Variants in LINGO2 observed in about 807,000 individuals in gnomAD.
The protein encoded by LINGO2 is leucine rich repeat and Ig domain containing 2.
Under a neutral mutation model 30.6 loss-of-function variants are expected in LINGO2, and 14 were observed. That is an observed-to-expected ratio of 0.46 (90% CI 0.30 to 0.72). The LOEUF (loss-of-function observed/expected upper bound fraction) is 0.72. LINGO2 is among the 30% of genes least tolerant of loss of function. The probability of loss-of-function intolerance (pLI) is 0.07; values close to 1 mark genes in which losing one functional copy is unlikely to be tolerated. For synonymous variants in LINGO2, 317 were observed against 288.5 expected (o/e 1.10, Z -1.00); for missense variants, 729 against 751.7 (o/e 0.97, Z 0.35).
intron 2 of LINGO2, among the ~76,000 whole-genome samples, chr9:28,403,158 A>C (rs1373616641): frequency 1.3e-5 from 2 of 152,176 alleles, no homozygotes; most frequent in Non-Finnish European, 2.9e-5. Context: ...CTGCTGCTCC[A>C]GATTTGCCTC....
intron 4 of LINGO2, among the ~76,000 whole-genome samples, chr9:28,258,817 T>G (rs994351453): frequency 3.3e-5 from 5 of 151,926 alleles, no homozygotes; most frequent in Non-Finnish European, 7.4e-5. Flanking sequence ...TTATACAATG[T>G]GTATAAGTCA....
At chr9:28,888,833 C>T in the LINGO2 span, 3 of 530,176 alleles carry the variant, frequency 5.7e-6, no homozygotes, top group African/African-American at 5.8e-5. Flanking sequence ...AGGTACCAGC[C>T]ATAAAATGTT....
chr9:28,655,594 C>G (rs7857678), intron 1 of LINGO2, among the ~76,000 whole-genome samples: 54,977 of 151,778 alleles, frequency 0.36, 11,161 homozygotes, highest in African/African-American at 0.53. Context: ...TTGAATTGTA[C>G]TTCCCATAAT....
the LINGO2 span, among the ~76,000 whole-genome samples, chr9:28,692,966 A>G: frequency 6.6e-6 from 1 of 152,156 alleles, no homozygotes. Flanking sequence ...AGTTTATTAT[A>G]TTAAGGTATT....
chr9:28,787,460 G>A, the LINGO2 span, among the ~76,000 whole-genome samples: 1 of 152,102 alleles, frequency 6.6e-6, no homozygotes, highest in Non-Finnish European at 1.5e-5. Flanking sequence ...GTTGCTAAAT[G>A]AAGAGAGAAT....
At chr9:28,527,824 C>A (rs1821090560) in intron 1 of LINGO2, among the ~76,000 whole-genome samples, 1 of 152,142 alleles carries the variant, frequency 6.6e-6, no homozygotes, top group African/African-American at 2.4e-5. Flanking sequence ...GTGTCTGCAC[C>A]TGACCTGGAA....
the LINGO2 span, among the ~76,000 whole-genome samples, chr9:28,710,531 A>G: frequency 1.3e-5 from 2 of 152,074 alleles, no homozygotes; most frequent in Non-Finnish European, 2.9e-5. Flanking sequence ...AAAAAATGCC[A>G]CTGTAAAATA....
intron 1 of LINGO2, among the ~76,000 whole-genome samples, chr9:28,517,486 G>A (rs1436926476): frequency 6.6e-6 from 1 of 152,098 alleles, no homozygotes; most frequent in Non-Finnish European, 1.5e-5. Flanking sequence ...GAATTGGAGG[G>A]GAGGAAGACA....
intron 2 of LINGO2, among the ~76,000 whole-genome samples, chr9:28,374,970 C>T (rs577230769): frequency 1.9e-4 from 29 of 152,066 alleles, no homozygotes; most frequent in African/African-American, 6.5e-4. Flanking sequence ...TTTTAGAGGA[C>T]GACCCTCTTG....
At chr9:28,048,396 C>G (rs1279566815) in intron 4 of LINGO2, among the ~76,000 whole-genome samples, 1 of 150,626 alleles carries the variant, frequency 6.6e-6, no homozygotes, top group Non-Finnish European at 1.5e-5. Context: ...ACATGAACAT[C>G]AAAATTACAT....
chr9:28,484,348 G>A (rs10968613), intron 1 of LINGO2, among the ~76,000 whole-genome samples: 1 of 152,036 alleles, frequency 6.6e-6, no homozygotes, highest in East Asian at 1.9e-4. Context: ...TGTTTATATA[G>A]AGTGGAAGGC....
chr9:28,732,003 T>C, the LINGO2 span, among the ~76,000 whole-genome samples: 4 of 152,100 alleles, frequency 2.6e-5, no homozygotes, highest in Non-Finnish European at 5.9e-5. Flanking sequence ...ATTCTAAAAT[T>C]GAACAAAATA....
At chr9:28,673,701 A>ATCATCT (rs1317089913), upstream of LINGO2, among the ~76,000 whole-genome samples, 1 of 151,830 alleles carries the variant, frequency 6.6e-6, no homozygotes, top group Non-Finnish European at 1.5e-5. Flanking sequence ...CATCATCATC[A>ATCATCT]TCATAAATAT....
chr9:29,200,655 G>A, the LINGO2 span, among the ~76,000 whole-genome samples: 1 of 151,952 alleles, frequency 6.6e-6, no homozygotes, highest in Admixed American at 6.6e-5. Flanking sequence ...TGGTACATTC[G>A]TCACAATTCA....
chr9:28,521,192 G>A (rs895077248), intron 1 of LINGO2, among the ~76,000 whole-genome samples: 5 of 152,088 alleles, frequency 3.3e-5, no homozygotes, highest in South Asian at 2.1e-4. Context: ...ATTTTAAACC[G>A]TGTGGGATAT....
chr9:27,982,856 G>A (rs992234617), intron 5 of LINGO2, among the ~76,000 whole-genome samples: 10 of 151,720 alleles, frequency 6.6e-5, no homozygotes, highest in Non-Finnish European at 7.4e-5. Context: ...CCTACACAAT[G>A]GTTGAGGGGA....
At chr9:28,627,663 G>T (rs1826743411) in intron 1 of LINGO2, among the ~76,000 whole-genome samples, 1 of 151,968 alleles carries the variant, frequency 6.6e-6, no homozygotes, top group Non-Finnish European at 1.5e-5. Flanking sequence ...GGCTGTTTAA[G>T]GTAGGGAAAA....
At chr9:28,848,272 CTATATAT>C in the LINGO2 span, among the ~76,000 whole-genome samples, 1 of 89,316 alleles carries the variant, frequency 1.1e-5, no homozygotes, top group African/African-American at 5.9e-5. Flanking sequence ...TGTATATATA[CTATATAT>C]ACACTATGCA....
the LINGO2 span, among the ~76,000 whole-genome samples, chr9:29,054,435 A>C: frequency 6.6e-6 from 1 of 152,156 alleles, no homozygotes; most frequent in Non-Finnish European, 1.5e-5. Flanking sequence ...TGCACTTTGG[A>C]GAGCTTTTGA....
Sources: allele counts gnomAD v4.1 joint callset (sites outside exome capture counted in the v4.1 genomes callset), GRCh38; gene constraint gnomAD v4.1.1; transcripts MANE v1.5; gene names NCBI Gene and HGNC (gene_info 2026-07-23, HGNC 2026-07-21).